Variants in TRAF5 observed in about 807,000 individuals in gnomAD.
TRAF5 encodes TNF receptor associated factor 5.
TRAF5 carries 48 observed loss-of-function variants against 64.5 expected under a neutral mutation model. The ratio of observed to expected loss-of-function variants is 0.74; its 90% CI spans 0.59 to 0.95. The LOEUF (loss-of-function observed/expected upper bound fraction) is 0.95. TRAF5 is among the 40% of genes least tolerant of loss of function. The pLI, the probability that TRAF5 is intolerant of heterozygous loss-of-function variation, is 0.00. For missense variants in TRAF5, 545 were observed against 662.8 expected (o/e 0.82, Z 1.95); for synonymous variants, 206 against 240.5 (o/e 0.86, Z 1.33).
At chr1:211,348,601 A>G (rs1309870853) in intron 1 of TRAF5, among the ~76,000 whole-genome samples, 1 of 152,010 alleles carries the variant, frequency 6.6e-6, no homozygotes, top group Non-Finnish European at 1.5e-5. Flanking sequence ...TAGGAGTTTT[A>G]TAGTTTTGCA....
chr1:211,344,462 G>T (rs1029028753), intron 1 of TRAF5, among the ~76,000 whole-genome samples: 2 of 152,204 alleles, frequency 1.3e-5, no homozygotes, highest in African/African-American at 2.4e-5. Flanking sequence ...AGAACAGTGC[G>T]TCGGTGGACT....
intron 1 of TRAF5, among the ~76,000 whole-genome samples, chr1:211,349,034 T>TAAAAAA (rs373131975): frequency 2.4e-5 from 2 of 84,674 alleles, no homozygotes; most frequent in Non-Finnish European, 4.3e-5. Context: ...ACTCTGTCTC[T>TAAAAAA]AAAAAAAAAA....
At chr1:211,353,599 T>C in intron 2 of TRAF5, 142 bp downstream of exon 2, 2 of 780,454 alleles carry the variant, frequency 2.6e-6, no homozygotes, top group South Asian at 3.5e-5. Context: ...CTCTCCCAGA[T>C]CCCCTCTGTG....
chr1:211,364,634 C>T (rs1332919287), intron 7 of TRAF5, among the ~76,000 whole-genome samples: 1 of 151,924 alleles, frequency 6.6e-6, no homozygotes, highest in Non-Finnish European at 1.5e-5. Flanking sequence ...TGCAGTGAGC[C>T]AAGGTTGTGC....
At chr1:211,330,436 G>C (rs146256822) in intron 1 of TRAF5, among the ~76,000 whole-genome samples, 2,353 of 149,478 alleles carry the variant, frequency 0.016, 25 homozygotes, top group Middle Eastern at 0.073. Context: ...CCTTTTCCAC[G>C]TACACTCCCA....
At chr1:211,327,406 G>A (rs907223879) in intron 1 of TRAF5, among the ~76,000 whole-genome samples, 1 of 152,228 alleles carries the variant, frequency 6.6e-6, no homozygotes, top group African/African-American at 2.4e-5. Flanking sequence ...TGCAAGGAAT[G>A]GAAGCCTCTA....
Position 211,353,373 on chromosome 1 carries a change from G to T in TRAF5, c.134G>T (p.Cys45Phe). ...GAGCGGTTGGAAGAGCGCTACAAATGTGCCTTCTGCCACTCGGTGCTTCAC... is the reference window on the plus strand; with the variant it reads ...GAGCGGTTGGAAGAGCGCTACAAATTTGCCTTCTGCCACTCGGTGCTTCAC... ...FVERLEERYK[C>F]AFCHSVLHNP... Residue 45 changes from cysteine (C) to phenylalanine (F), a missense_variant, in exon 2 of 11, where the codon TGT becomes TTT. Coordinates refer to ENST00000261464, the MANE Select transcript of TRAF5 (RefSeq NM_001033910.3). 6.2e-7 allele frequency: 1 copy of T among 1,614,178 alleles called. No homozygotes were observed.
chr1:211,369,631 T>C (rs1420203166), intron 9 of TRAF5, 39 bp downstream of exon 9: 1 of 1,515,728 alleles, frequency 6.6e-7, no homozygotes, highest in Non-Finnish European at 8.8e-7. Context: ...AAGATTTGGC[T>C]TTCAATTGCA....
At position 211,370,957 on chromosome 1, in the gene TRAF5, A is replaced by C. The variant is rs536755876; in HGVS notation, c.931-345A>C. On this transcript the variant is annotated intron_variant, in intron 9 of 10. Coordinates refer to ENST00000261464, the MANE Select transcript of TRAF5 (RefSeq NM_001033910.3). ...GGAGTGAATCAGGAGATTGGCTTCT[A>C]AGAAGAGAAAGAAGTGATAGGGCAA... Among the ~76,000 whole-genome samples, 8 of 152,258 alleles carry C rather than the reference A, an allele frequency of 5.3e-5. No individual in the cohort carries two copies. In the East Asian group the frequency reaches 1.5e-3, roughly 29 times the overall value.
At chr1:211,359,652 A>T in intron 4 of TRAF5, 2 of 399,502 alleles carry the variant, frequency 5.0e-6, no homozygotes, top group Non-Finnish European at 9.0e-6. Flanking sequence ...TTCCCTCTTC[A>T]CCTATCTTCC....
chr1:211,360,298 G>A, intron 5 of TRAF5: 1 of 552,298 alleles, frequency 1.8e-6, no homozygotes, highest in Non-Finnish European at 3.2e-6. Flanking sequence ...TTGAACACAT[G>A]CTGTGTATGT....
At chr1:211,334,037 T>C (rs1299439854) in intron 1 of TRAF5, among the ~76,000 whole-genome samples, 1 of 152,196 alleles carries the variant, frequency 6.6e-6, no homozygotes, top group Non-Finnish European at 1.5e-5. Flanking sequence ...CAGATGGTCA[T>C]ACTCACAGCT....
chr1:211,329,476 C>A (rs1050341974), intron 1 of TRAF5, among the ~76,000 whole-genome samples: 1 of 152,216 alleles, frequency 6.6e-6, no homozygotes, highest in Non-Finnish European at 1.5e-5. Context: ...TTCCACTTTA[C>A]CTGGTTGCAA....
At position 211,343,115 on chromosome 1, in the gene TRAF5, G is replaced by A. The variant is rs555630258; in HGVS notation, c.-1-10124G>A. ...ATTTACATTCCTACCAACAGTGTAT[G>A]AGGGTTCCCTTTACTCCATGTCCTG... On this transcript the variant is annotated intron_variant, in intron 1 of 10. Coordinates refer to ENST00000261464, the MANE Select transcript of TRAF5 (RefSeq NM_001033910.3). Among the ~76,000 whole-genome samples the A allele has an allele frequency of 1.6e-3, 250 of 152,288 alleles. 1 individual carries two copies. Among genetic ancestry groups the A allele is most frequent in the Non-Finnish European group, 2.9e-3 (197 of 68,028 alleles).
intron 1 of TRAF5, among the ~76,000 whole-genome samples, chr1:211,338,644 G>A (rs1702368674): frequency 6.6e-6 from 1 of 151,632 alleles, no homozygotes; most frequent in Admixed American, 6.6e-5. Context: ...TTTTTTTTGA[G>A]ACAAGAGTCT....
chr1:211,338,372 G>A (rs913043913), intron 1 of TRAF5, among the ~76,000 whole-genome samples: 1 of 152,172 alleles, frequency 6.6e-6, no homozygotes, highest in African/African-American at 2.4e-5. Flanking sequence ...TTGTGCATAT[G>A]CATACGCATA....
In TRAF5 at chr1:211,373,813, A is replaced by C. The variant is rs1703612616; in HGVS notation, c.*1111A>C. The C allele has an allele frequency of 1.3e-5, 2 of 152,096 alleles. No individual in the cohort carries two copies. The highest frequency in any genetic ancestry group is 4.8e-5 in the African/African-American group (2 of 41,382). 9.4% of individuals were successfully genotyped at this position (152,096 alleles called of 1,614,324 possible). A position where few individuals can be genotyped will look rare whatever the true frequency, so the allele number is the denominator to read the frequency against. On this transcript the variant is annotated 3_prime_UTR_variant, in exon 11 of 11. Transcript: ENST00000261464. ...AGTGGCATGATCTCAGCTCACTGCAAACTCTGCCTCCCGAATTCAAGTGAT... is the reference window on the plus strand; with the variant it reads ...AGTGGCATGATCTCAGCTCACTGCACACTCTGCCTCCCGAATTCAAGTGAT...
intron 1 of TRAF5, among the ~76,000 whole-genome samples, chr1:211,348,431 A>G (rs1047083184): frequency 1.3e-5 from 2 of 152,246 alleles, no homozygotes; most frequent in African/African-American, 4.8e-5. Flanking sequence ...CTCCATTAAA[A>G]AAAGACAAGA....
rs1176245121 is a variant in TRAF5, at chr1:211,373,317, T to C, written c.*615T>C. The C allele has an allele frequency of 6.6e-6, 1 of 152,308 alleles. No homozygotes were observed. Among genetic ancestry groups the C allele is most frequent in the African/African-American group, 2.4e-5 (1 of 41,448 alleles). 9.4% of individuals were successfully genotyped at this position (152,308 alleles called of 1,614,324 possible). A position where few individuals can be genotyped will look rare whatever the true frequency, so the allele number is the denominator to read the frequency against. ...GCAAGGCTGCATAAGAACTGGTGAA[T>C]GGGGTAAGCATTTTCATTCTTCCTG... is the stretch of plus-strand genomic sequence containing the variant. On this transcript the variant is annotated 3_prime_UTR_variant, in exon 11 of 11. Transcript: ENST00000261464.
Sources: gnomAD v4.1 joint callset for allele counts (sites outside exome capture counted in the v4.1 genomes callset) on GRCh38, gnomAD v4.1.1 for gene constraint, MANE v1.5 for transcripts, NCBI Gene and HGNC (gene_info 2026-07-23, HGNC 2026-07-21) for gene names.